Variants in OPA3 observed in about 807,000 individuals in gnomAD.
OPA3 encodes outer mitochondrial membrane lipid metabolism regulator OPA3.
OPA3 carries 6 observed loss-of-function variants against 4.0 expected under a neutral mutation model. That is an observed-to-expected ratio of 1.51 (90% CI 0.83 to 2.99). The LOEUF (loss-of-function observed/expected upper bound fraction) is 2.99. Among genes scored for constraint, OPA3 ranks in the 30% most tolerant of loss-of-function variants. The probability of loss-of-function intolerance (pLI) is 0.00; values close to 1 mark genes in which losing one functional copy is unlikely to be tolerated. For missense variants in OPA3, 235 were observed against 256.2 expected (o/e 0.92, Z 0.56); for synonymous variants, 105 against 117.1 (o/e 0.90, Z 0.67).
At chr19:45,543,459 T>C (rs1969210788), downstream of OPA3, among the ~76,000 whole-genome samples, 1 of 151,982 alleles carries the variant, frequency 6.6e-6, no homozygotes, top group South Asian at 2.1e-4. Flanking sequence ...TACCTGAGAT[T>C]ACAGGCACAC....
intron 1 of OPA3, among the ~76,000 whole-genome samples, chr19:45,563,870 A>T (rs1969542168): frequency 6.7e-6 from 1 of 150,170 alleles, no homozygotes; most frequent in Admixed American, 6.6e-5. Flanking sequence ...TTTTTTTTTA[A>T]ATACAGATGA....
intron 1 of OPA3, among the ~76,000 whole-genome samples, chr19:45,578,461 T>G (rs115927121): frequency 0.018 from 2,359 of 130,666 alleles, 61 homozygotes; most frequent in African/African-American, 0.064. Flanking sequence ...TCTGAATTCC[T>G]ATGATTTCAT....
chr19:45,570,862 CAAAA>C lies in OPA3; in HGVS notation c.142+13757_142+13760del, dbSNP rs551869767. Among the ~76,000 whole-genome samples, 49 of 67,762 alleles carry C rather than the reference CAAAA, an allele frequency of 7.2e-4. No individual in the cohort carries two copies. The East Asian group carries it at 0.021, about 29-fold the overall frequency. The allele number at this position is 67,762 out of a possible 152,430, so 44.5% of individuals were successfully genotyped here. A position where few individuals can be genotyped will look rare whatever the true frequency, so the allele number is the denominator to read the frequency against. On this transcript the variant is annotated intron_variant, in intron 1 of 1. Coordinates refer to ENST00000263275, the MANE Select transcript of OPA3 (RefSeq NM_025136.4). ...TGGGCGACAGAGTGAGACTCTGTCT[CAAAA>C]AAAAAAAAAAAAATTCAAAGCCAGA...
chr19:45,556,414 C>T (rs1258548326), intron 1 of OPA3, among the ~76,000 whole-genome samples: 3 of 151,986 alleles, frequency 2.0e-5, no homozygotes, highest in East Asian at 3.9e-4. Flanking sequence ...TGGAAGGCAG[C>T]GGCTCCATCA....
rs144023238 is a variant in OPA3 at position 45,571,393 on chromosome 19, C to T, written c.142+13230G>A. Among the ~76,000 whole-genome samples, 810 of 152,232 alleles carry T rather than the reference C, an allele frequency of 5.3e-3. 9 individuals are homozygous for T. The highest frequency in any genetic ancestry group is 0.018 in the African/African-American group (764 of 41,524). On this transcript the variant is annotated intron_variant, in intron 1 of 1. Transcript: ENST00000263275. ...AACTCCCCGCCTCAGGGGATCCACC[C>T]GCCTTGGACTCGCAAAGTGCTGGGA...
chr19:45,584,742 A>C lies in OPA3; in HGVS notation c.23T>G (p.Met8Arg), dbSNP rs1969908071. MVVGAFP[M>R]AKLLYLGIRQ... ...GATGCCCAAGTATAGCAGCTTCGCCATAGGGAACGCGCCCACCACCATCTT... is the reference window on the plus strand; with the variant it reads ...GATGCCCAAGTATAGCAGCTTCGCCCTAGGGAACGCGCCCACCACCATCTT... Residue 8 changes from methionine (M) to arginine (R), a missense_variant, in exon 1 of 2, where the codon ATG becomes AGG. Coordinates refer to ENST00000263275, the MANE Select transcript of OPA3 (RefSeq NM_025136.4). The C allele has an allele frequency of 6.2e-7, 1 of 1,614,072 alleles. No individual in the cohort carries two copies. The highest frequency in any genetic ancestry group is 8.5e-7 in the Non-Finnish European group (1 of 1,180,034).
rs868283590 is a variant in OPA3 at position 45,547,925 on chromosome 19, G to A, written c.*5589C>T. 11 of 165,264 alleles carry A rather than the reference G, an allele frequency of 6.7e-5. No homozygotes were observed. Among genetic ancestry groups the A allele is most frequent in the South Asian group, 4.0e-4 (2 of 5,062 alleles). The allele number at this position is 165,264 out of a possible 1,614,324, so 10.2% of individuals were successfully genotyped here. A position where few individuals can be genotyped will look rare whatever the true frequency, so the allele number is the denominator to read the frequency against. On this transcript the variant is annotated 3_prime_UTR_variant, in exon 2 of 2. Transcript: ENST00000263275. Reference sequence around the variant, plus strand: ...TCGGTCAGGCTGGTCTCGAACTCCCGACCTCAGGGGATTGGCCCGCCTCGG... The same window carrying A: ...TCGGTCAGGCTGGTCTCGAACTCCCAACCTCAGGGGATTGGCCCGCCTCGG...
intron 1 of OPA3, among the ~76,000 whole-genome samples, chr19:45,532,954 C>T (rs1390324313): frequency 6.6e-6 from 1 of 152,050 alleles, no homozygotes; most frequent in Non-Finnish European, 1.5e-5. Context: ...TGCGATGACA[C>T]CATCTCGGCT....
intron 1 of OPA3, among the ~76,000 whole-genome samples, chr19:45,533,356 G>A (rs536860209): frequency 1.3e-5 from 2 of 151,808 alleles, no homozygotes; most frequent in African/African-American, 2.4e-5. Context: ...CACTATGCCC[G>A]GCTAATATTT....
rs1364874488 is a variant in OPA3, at chr19:45,553,555, C to G, written c.499G>C (p.Gly167Arg). The change falls in exon 2 of 2, where the codon GGC becomes CGC. Residue 167 changes from glycine to arginine, a missense_variant. Coordinates refer to ENST00000263275, the MANE Select transcript of OPA3 (RefSeq NM_025136.4). ...QEVRAQLCNP[G>R]RSASHAVPAS... ...GGCACTGCGTGGGAAGCGGACCGGC[C>G]GGGATTGCAGAGCTGGGCGCGCACC... The G allele has an allele frequency of 2.5e-6, 4 of 1,613,208 alleles. No individual in the cohort carries two copies. In the African/African-American group the frequency reaches 5.3e-5, roughly 22 times the overall value.
At chr19:45,577,188 C>T (rs184030350) in intron 1 of OPA3, among the ~76,000 whole-genome samples, 1 of 152,338 alleles carries the variant, frequency 6.6e-6, no homozygotes, top group Non-Finnish European at 1.5e-5. Context: ...GGTGCATCAT[C>T]GATGATTTAT....
rs368352789 is a variant in OPA3, at chr19:45,569,320, G to A, written c.142+15303C>T. ...CTAAAAATACAAAAATTAGCTGGGC[G>A]TGGTGGCGGGCACCTGTAGTCACAG... On this transcript the variant is annotated intron_variant, in intron 1 of 1. Transcript: ENST00000263275. 7.4e-4 allele frequency among the ~76,000 whole-genome samples: 113 copies of A among 152,198 alleles called. 1 individual carries two copies. In the South Asian group the frequency reaches 0.023, roughly 31 times the overall value.
chr19:45,553,778 C>T lies in OPA3; in HGVS notation c.276G>A (p.Val92=), dbSNP rs1418391226. ...ELLGEATIFI[V]GGGCLVLEYW... ...ACTCCAGCACTAGGCAGCCGCCGCC[C>T]ACGATGAAGATGGTGGCTTCGCCCA... is the stretch of plus-strand genomic sequence containing the variant. The change falls in exon 2 of 2, where the codon GTG becomes GTA. Residue 92 remains valine (V), a synonymous_variant. Coordinates refer to ENST00000263275, the MANE Select transcript of OPA3 (RefSeq NM_025136.4). 1 of 1,613,138 alleles carries T rather than the reference C, an allele frequency of 6.2e-7. No individual in the cohort carries two copies. The highest frequency in any genetic ancestry group is 1.1e-5 in the South Asian group (1 of 91,072).
intron 1 of OPA3, among the ~76,000 whole-genome samples, chr19:45,540,800 C>A (rs1969177564): frequency 8.0e-6 from 1 of 125,352 alleles, no homozygotes; most frequent in African/African-American, 2.7e-5. Flanking sequence ...GAGACTCCGT[C>A]TCAAAAAAAA....
intron 1 of OPA3, among the ~76,000 whole-genome samples, chr19:45,575,905 C>CT (rs779977419): frequency 6.6e-6 from 1 of 152,166 alleles, no homozygotes; most frequent in African/African-American, 2.4e-5. Flanking sequence ...CGCACCTGCC[C>CT]TAAATTTATT....
chr19:45,548,007 T>G lies in OPA3; in HGVS notation c.*5507A>C. ...CCACCACGCCTGGCCACTCTTTCCT[T>G]CTTTATTGCCGGTCTCTGGCACTAG... On this transcript the variant is annotated 3_prime_UTR_variant, in exon 2 of 2. Transcript: ENST00000263275. The G allele has an allele frequency of 1.6e-6, 1 of 640,636 alleles. No homozygotes were observed. Among genetic ancestry groups the G allele is most frequent in the Non-Finnish European group, 1.9e-6 (1 of 515,050 alleles). The allele number at this position is 640,636 out of a possible 1,614,324, so 39.7% of individuals were successfully genotyped here.
downstream of OPA3, among the ~76,000 whole-genome samples, chr19:45,545,888 A>G (rs536783824): frequency 3.3e-5 from 5 of 150,970 alleles, no homozygotes; most frequent in African/African-American, 1.2e-4. Flanking sequence ...AATTTTTTGT[A>G]TTTTTAGTAG....
At chr19:45,533,605 T>C (rs762808665) in intron 1 of OPA3, among the ~76,000 whole-genome samples, 9 of 152,238 alleles carry the variant, frequency 5.9e-5, no homozygotes, top group Non-Finnish European at 1.3e-4. Context: ...CGGATCCTAA[T>C]CCAGGAGAGG....
chr19:45,553,111 G>A lies in OPA3; in HGVS notation c.*403C>T. ...TGTGCCGATTGACAAAAAGAAGAAG[G>A]TGTTCCAGTGTAACAGATGAGTGTC... On this transcript the variant is annotated 3_prime_UTR_variant, in exon 2 of 2. Transcript: ENST00000263275. 1.7e-6 allele frequency: 2 copies of A among 1,145,560 alleles called. No individual in the cohort carries two copies. Among genetic ancestry groups the A allele is most frequent in the Non-Finnish European group, 2.2e-6 (2 of 925,374 alleles). 71.0% of individuals were successfully genotyped at this position (1,145,560 alleles called of 1,614,324 possible).
Sources: allele counts gnomAD v4.1 joint callset (sites outside exome capture counted in the v4.1 genomes callset), GRCh38; gene constraint gnomAD v4.1.1; transcripts MANE v1.5; gene names NCBI Gene and HGNC (gene_info 2026-07-23, HGNC 2026-07-21).